The following ESCO1 variants were observed in gnomAD, a reference collection of about 807,000 sequenced individuals.
The protein encoded by ESCO1 is establishment of sister chromatid cohesion N-acetyltransferase 1.
Under a neutral mutation model 83.5 loss-of-function variants are expected in ESCO1, and 33 were observed. The observed-to-expected ratio is 0.40, with a 90% CI of 0.30 to 0.53. The LOEUF is 0.53. Ranked by LOEUF, ESCO1 falls within the 20% of genes least tolerant of loss-of-function variation. The pLI is 0.63. For missense variants in ESCO1, 855 were observed against 968.0 expected, an observed-to-expected ratio of 0.88 and a Z score of 1.55; for synonymous variants, 332 against 324.3, an observed-to-expected ratio of 1.02 and a Z score of -0.25.
In ESCO1 at chr18:21,573,358, A is replaced by G. The variant is rs369247127; in HGVS notation, c.1486T>C (p.Leu496=). The G allele has an allele frequency of 1.8e-4, 292 of 1,591,934 alleles. 7 individuals carry two copies. The Middle Eastern group carries it at 2.4e-3, about 13-fold the overall frequency. ...AAAGAATGTTTCATCTGATTATCCA[A>G]TGGTGGGTCAGAAGGTTTTATCTCA... ...ANEIKPSDPP[L]DNQMKHSFDS... The change falls in exon 4 of 12, where the codon TTG becomes CTG. Residue 496 remains leucine (L), a synonymous_variant. Coordinates refer to ENST00000269214, the MANE Select transcript of ESCO1 (RefSeq NM_052911.3).
intron 4 of ESCO1, among the ~76,000 whole-genome samples, chr18:21,572,961 T>C (rs1009812095): frequency 4.7e-5 from 6 of 126,462 alleles, no homozygotes; most frequent in Admixed American, 1.7e-4. Context: ...CGAAACTCCA[T>C]CTCAAAAAAA....
At chr18:21,600,309 G>A (rs936422498) in intron 1 of ESCO1, among the ~76,000 whole-genome samples, 1 of 152,266 alleles carries the variant, frequency 6.6e-6, no homozygotes, top group African/African-American at 2.4e-5. Flanking sequence ...GCAGTGCTGG[G>A]AACTCCGGCC....
At chr18:21,552,592 G>C (rs2038059853) in intron 8 of ESCO1, among the ~76,000 whole-genome samples, 1 of 152,320 alleles carries the variant, frequency 6.6e-6, no homozygotes, top group Admixed American at 6.5e-5. Context: ...CCCAGTCTCA[G>C]GCAGTTCTTT....
intron 8 of ESCO1, among the ~76,000 whole-genome samples, chr18:21,549,234 T>G (rs1202041708): frequency 6.6e-6 from 1 of 152,186 alleles, no homozygotes; most frequent in Non-Finnish European, 1.5e-5. Context: ...CATTCCTGCT[T>G]TGAACCTGAA....
intron 1 of ESCO1, chr18:21,593,039 C>T (rs1209727003): frequency 8.8e-4 from 140 of 158,672 alleles, no homozygotes; most frequent in South Asian, 2.0e-3. Context: ...GGATGGCGGC[C>T]GGGAAGAGGC....
intron 10 of ESCO1, among the ~76,000 whole-genome samples, chr18:21,535,064 A>T (rs1309168983): frequency 6.6e-6 from 1 of 152,172 alleles, no homozygotes; most frequent in African/African-American, 2.4e-5. Context: ...TTGGTGGGCG[A>T]CAATAAAATT....
intron 1 of ESCO1, among the ~76,000 whole-genome samples, chr18:21,585,338 C>A (rs1196741693): frequency 1.3e-5 from 2 of 152,052 alleles, no homozygotes; most frequent in African/African-American, 2.4e-5. Flanking sequence ...TCTATACTTC[C>A]CTGACCTGAT....
chr18:21,556,610 C>T (rs895660018), intron 8 of ESCO1, among the ~76,000 whole-genome samples: 22 of 152,116 alleles, frequency 1.4e-4, no homozygotes, highest in African/African-American at 3.1e-4. Flanking sequence ...CTGGATAGTA[C>T]GACCGAAGAA....
At position 21,574,126 on chromosome 18, in the gene ESCO1, C is replaced by T. The variant is rs1172775395; in HGVS notation, c.718G>A (p.Val240Met). Residue 240 changes from valine to methionine, a missense_variant, in exon 4 of 12, where the codon GTG becomes ATG. Transcript: ENST00000269214. ...KTTRRDETKP[V>M]PVTSEVKRSK... The stretch of plus-strand genomic sequence containing the variant: ...CTTTTCACCTCAGAAGTTACAGGCA[C>T]AGGTTTCGTTTCGTCTCTTCTAGTA... 3.1e-6 allele frequency: 5 copies of T among 1,613,708 alleles called. No individual in the cohort carries two copies. The highest frequency in any genetic ancestry group is 4.2e-6 in the Non-Finnish European group (5 of 1,180,020).
At chr18:21,547,213 C>T (rs542283555) in intron 8 of ESCO1, among the ~76,000 whole-genome samples, 5 of 152,202 alleles carry the variant, frequency 3.3e-5, no homozygotes, top group Admixed American at 6.5e-5. Flanking sequence ...CATCGTCCCT[C>T]GCACTGATCT....
intron 8 of ESCO1, among the ~76,000 whole-genome samples, chr18:21,556,813 G>A (rs2038118937): frequency 6.6e-6 from 1 of 151,992 alleles, no homozygotes; most frequent in South Asian, 2.1e-4. Context: ...CGATTCTCCT[G>A]CCTCAGCCTC....
intron 8 of ESCO1, among the ~76,000 whole-genome samples, chr18:21,544,805 T>C (rs1190860881): frequency 6.6e-6 from 1 of 152,218 alleles, no homozygotes; most frequent in African/African-American, 2.4e-5. Flanking sequence ...TAAACTTGTT[T>C]TGGAAAATTC....
intron 8 of ESCO1, among the ~76,000 whole-genome samples, chr18:21,541,310 G>C (rs754311308): frequency 4.2e-4 from 64 of 151,984 alleles, no homozygotes; most frequent in Non-Finnish European, 7.1e-4. Flanking sequence ...TTTTAAAAAA[G>C]AAACTTAAGG....
chr18:21,539,298 A>T (rs1282416834), intron 9 of ESCO1, among the ~76,000 whole-genome samples: 1 of 152,108 alleles, frequency 6.6e-6, no homozygotes, highest in East Asian at 1.9e-4. Flanking sequence ...TCTGATCGTG[A>T]AATCTTTTAG....
intron 1 of ESCO1, among the ~76,000 whole-genome samples, chr18:21,589,728 G>C (rs1045946294): frequency 6.6e-6 from 1 of 152,132 alleles, no homozygotes; most frequent in Non-Finnish European, 1.5e-5. Context: ...GCTCGAAGAT[G>C]GCACAAAGCA....
Position 21,574,159 on chromosome 18 carries a change from G to C in ESCO1, c.685C>G (p.Gln229Glu), listed in dbSNP as rs754697592. 6.2e-7 allele frequency: 1 copy of C among 1,613,782 alleles called. No homozygotes were observed. The highest frequency in any genetic ancestry group is 8.5e-7 in the Non-Finnish European group (1 of 1,179,972). Residue 229 changes from glutamine (Q) to glutamate (E), a missense_variant, in exon 4 of 12, where the codon CAG becomes GAG. By Grantham distance (29) the Gln-to-Glu change is conservative. Coordinates refer to ENST00000269214, the MANE Select transcript of ESCO1 (RefSeq NM_052911.3). ...QCTQGSEKCP[Q>E]KTTRRDETKP... The stretch of plus-strand genomic sequence containing the variant: ...GTTTCGTCTCTTCTAGTAGTCTTCT[G>C]AGGACACTTTTCAGATCCTTGCGTG...
intron 5 of ESCO1, 90 bp from the exon 6 acceptor site, chr18:21,566,296 A>C: frequency 8.7e-7 from 1 of 1,147,346 alleles, no homozygotes; most frequent in Non-Finnish European, 1.3e-6. Flanking sequence ...AAAGAAAAAA[A>C]CCTTCAATGC....
chr18:21,560,451 C>G (rs1013593026), intron 8 of ESCO1, among the ~76,000 whole-genome samples: 1 of 151,426 alleles, frequency 6.6e-6, no homozygotes, highest in Non-Finnish European at 1.5e-5. Flanking sequence ...CTCCAAACAA[C>G]CTACTTGGTA....
At chr18:21,544,322 A>G (rs1026482617) in intron 8 of ESCO1, among the ~76,000 whole-genome samples, 3 of 150,564 alleles carry the variant, frequency 2.0e-5, no homozygotes, top group African/African-American at 7.3e-5. Flanking sequence ...ATACATATTT[A>G]GAGGTGGGGC....
Sources: gnomAD v4.1 joint callset for allele counts (sites outside exome capture counted in the v4.1 genomes callset) on GRCh38, gnomAD v4.1.1 for gene constraint, MANE v1.5 for transcripts, NCBI Gene and HGNC (gene_info 2026-07-23, HGNC 2026-07-21) for gene names.